SLC24A2: variants seen among roughly 807,000 people sequenced by gnomAD.
SLC24A2 encodes solute carrier family 24 member 2, also known as sodium/potassium/calcium exchanger 2.
Under a neutral mutation model 62.0 loss-of-function variants are expected in SLC24A2, and 36 were observed. The ratio of observed to expected loss-of-function variants is 0.58; its 90% confidence interval spans 0.44 to 0.77. The LOEUF is 0.77. Among genes scored for constraint, SLC24A2 ranks in the 30% least tolerant of loss-of-function variants. SLC24A2 has a pLI of 0.00. For missense variants in SLC24A2, 846 were observed against 817.9 expected, an observed-to-expected ratio of 1.03 and a Z score of -0.42; for synonymous variants, 358 against 294.0, an observed-to-expected ratio of 1.22 and a Z score of -2.23.
the SLC24A2 span, among the ~76,000 whole-genome samples, chr9:20,031,408 C>G: frequency 7.0e-6 from 1 of 143,238 alleles, no homozygotes; most frequent in African/African-American, 2.6e-5. Context: ...TGTGTGTGTG[C>G]GCATATGTGC....
At chr9:20,046,480 G>C in the SLC24A2 span, among the ~76,000 whole-genome samples, 1 of 152,192 alleles carries the variant, frequency 6.6e-6, no homozygotes, top group African/African-American at 2.4e-5. Flanking sequence ...AATGCAAATT[G>C]AGTTCATCTT....
the SLC24A2 span, among the ~76,000 whole-genome samples, chr9:20,179,253 C>T: frequency 2.6e-5 from 4 of 152,130 alleles, no homozygotes; most frequent in Non-Finnish European, 5.9e-5. Context: ...TATTGCCCTT[C>T]AGTACAGAAC....
Position 19,714,809 on chromosome 9 carries a change from C to T in SLC24A2, c.930+71128G>A, listed in dbSNP as rs148585648. Among the ~76,000 whole-genome samples the T allele has an allele frequency of 7.9e-5, 12 of 152,226 alleles. No individual in the cohort carries two copies. In the East Asian group the frequency reaches 1.9e-3, roughly 25 times the overall value. On this transcript the variant is annotated intron_variant, in intron 2 of 10. Transcript: ENST00000341998. Reference sequence around the variant, plus strand: ...ACTCATTTAGCAAGTATCCTGAATACAGTATGCTCTTATTAACTATAGTCT... The same window carrying T: ...ACTCATTTAGCAAGTATCCTGAATATAGTATGCTCTTATTAACTATAGTCT...
At chr9:20,228,563 T>C in the SLC24A2 span, among the ~76,000 whole-genome samples, 1 of 152,108 alleles carries the variant, frequency 6.6e-6, no homozygotes, top group African/African-American at 2.4e-5. Flanking sequence ...ACTGGCTTGC[T>C]GTAGGGTGGG....
the SLC24A2 span, among the ~76,000 whole-genome samples, chr9:20,175,931 T>C: frequency 6.6e-6 from 1 of 151,976 alleles, no homozygotes; most frequent in Non-Finnish European, 1.5e-5. Flanking sequence ...TACTAAGGTC[T>C]GAAAAAGCCA....
chr9:19,767,357 A>G (rs1435467728), intron 2 of SLC24A2, among the ~76,000 whole-genome samples: 1 of 152,096 alleles, frequency 6.6e-6, no homozygotes, highest in Non-Finnish European at 1.5e-5. Context: ...AAAAACAAAA[A>G]ACTTCTGCAG....
At chr9:20,161,305 T>TTAAAGA in the SLC24A2 span, among the ~76,000 whole-genome samples, 1 of 151,356 alleles carries the variant, frequency 6.6e-6, no homozygotes, top group Non-Finnish European at 1.5e-5. Flanking sequence ...TAATAGATCT[T>TTAAAGA]TAAAGACGAG....
At chr9:20,151,321 C>A in the SLC24A2 span, among the ~76,000 whole-genome samples, 1 of 151,888 alleles carries the variant, frequency 6.6e-6, no homozygotes, top group Admixed American at 6.6e-5. Flanking sequence ...TTAACCTACC[C>A]TTTCAGCCTT....
At chr9:20,064,125 T>A in the SLC24A2 span, among the ~76,000 whole-genome samples, 1 of 152,212 alleles carries the variant, frequency 6.6e-6, no homozygotes, top group Non-Finnish European at 1.5e-5. Flanking sequence ...TATAGTGGAA[T>A]ATTTGTCAGC....
chr9:20,107,449 A>G, the SLC24A2 span, among the ~76,000 whole-genome samples: 1 of 152,174 alleles, frequency 6.6e-6, no homozygotes. Flanking sequence ...AAACTATACT[A>G]CAAGGCTACA....
the SLC24A2 span, among the ~76,000 whole-genome samples, chr9:20,231,013 T>C: frequency 5.3e-5 from 8 of 152,298 alleles, no homozygotes; most frequent in South Asian, 1.7e-3. Context: ...TTGCTTGTTT[T>C]TGTCAGGTTT....
At chr9:19,864,356 G>T in the SLC24A2 span, among the ~76,000 whole-genome samples, 2 of 150,682 alleles carry the variant, frequency 1.3e-5, no homozygotes, top group Non-Finnish European at 3.0e-5. Flanking sequence ...ACCCAAACAA[G>T]ACAAAGAACC....
chr9:20,053,593 G>C, the SLC24A2 span, among the ~76,000 whole-genome samples: 3 of 152,106 alleles, frequency 2.0e-5, no homozygotes, highest in African/African-American at 4.8e-5. Context: ...TGGAGTCTTT[G>C]GGGATGATTA....
chr9:19,709,677 T>C (rs946031961), intron 2 of SLC24A2, among the ~76,000 whole-genome samples: 1 of 146,780 alleles, frequency 6.8e-6, no homozygotes, highest in African/African-American at 2.5e-5. Flanking sequence ...ACACCGCATG[T>C]TCTCACTCAT....
intron 2 of SLC24A2, among the ~76,000 whole-genome samples, chr9:19,631,518 T>C (rs1215310514): frequency 1.3e-5 from 2 of 152,212 alleles, no homozygotes; most frequent in African/African-American, 2.4e-5. Flanking sequence ...GTTGGACTTG[T>C]AAGCTTCTTG....
At chr9:19,976,579 A>C in the SLC24A2 span, among the ~76,000 whole-genome samples, 1 of 152,224 alleles carries the variant, frequency 6.6e-6, no homozygotes, top group African/African-American at 2.4e-5. Context: ...TCTTTTCTTC[A>C]TAAATTACCT....
At chr9:19,590,915 C>T (rs1438707764) in intron 5 of SLC24A2, among the ~76,000 whole-genome samples, 1 of 152,222 alleles carries the variant, frequency 6.6e-6, no homozygotes, top group East Asian at 1.9e-4. Flanking sequence ...GTTCTTTGAT[C>T]TTACTGGTCA....
the SLC24A2 span, among the ~76,000 whole-genome samples, chr9:20,159,960 G>T: frequency 1.3e-5 from 2 of 151,484 alleles, no homozygotes; most frequent in Non-Finnish European, 3.0e-5. Flanking sequence ...GTAATAATAA[G>T]TGTGGATAGG....
intron 7 of SLC24A2, among the ~76,000 whole-genome samples, chr9:19,565,192 T>C (rs1835597522): frequency 1.3e-5 from 2 of 152,158 alleles, no homozygotes; most frequent in South Asian, 2.1e-4. Context: ...GCAGATGACA[T>C]GATGATTGTA....
Sources: gnomAD v4.1 joint callset for allele counts (sites outside exome capture counted in the v4.1 genomes callset) on GRCh38, gnomAD v4.1.1 for gene constraint, MANE v1.5 for transcripts, NCBI Gene and HGNC (gene_info 2026-07-23, HGNC 2026-07-21) for gene names.